SCML2: variants seen among roughly 807,000 people sequenced by gnomAD.
SCML2 encodes sex comb on midleg-like protein 2.
A neutral mutation model predicts 48.4 loss-of-function variants in SCML2; 6 were observed. The ratio of observed to expected loss-of-function variants is 0.12; its 90% confidence interval spans 0.07 to 0.24. SCML2 has a LOEUF of 0.24. Ranked by LOEUF, SCML2 falls within the 10% of genes least tolerant of loss-of-function variation. SCML2 has a pLI of 1.00. For synonymous variants in SCML2, 181 were observed against 189.5 expected, an observed-to-expected ratio of 0.95 and a Z score of 0.37; for missense variants, 377 against 528.2, an observed-to-expected ratio of 0.71 and a Z score of 2.81.
chrX:18,340,988 T>C (rs1355828999), intron 1 of SCML2, among the ~76,000 whole-genome samples: 1 of 111,339 alleles, frequency 9.0e-6, no homozygotes, highest in East Asian at 2.8e-4. Flanking sequence ...AATTTTTGTA[T>C]CTTATACTTT....
intron 7 of SCML2, among the ~76,000 whole-genome samples, chrX:18,286,531 C>T (rs764368592): frequency 9.0e-6 from 1 of 111,293 alleles, no homozygotes; most frequent in Non-Finnish European, 1.9e-5. Flanking sequence ...ACTGACTCAG[C>T]AGAACATAAT....
Position 18,323,730 on chromosome X carries a change from C to T in SCML2, c.397+129G>A, listed in dbSNP as rs189414063. The T allele has an allele frequency of 6.1e-4, 302 of 497,987 alleles. 1 individual carries two copies. The African/African-American group carries it at 6.3e-3, about 10-fold the overall frequency. The allele number at this position is 497,987 out of a possible 1,213,427, so 41.0% of individuals were successfully genotyped here. ...GATTTCCTCTCTCATCATACATTCT[C>T]CACAGCAACCACCTGACCATCTATT... On this transcript the variant is annotated intron_variant, in intron 5 of 14. Transcript: ENST00000251900.
rs1948643059 is a variant in SCML2, at chrX:18,330,796, T to A, written c.23-141A>T. The A allele has an allele frequency of 8.1e-6, 3 of 371,378 alleles. No individual in the cohort carries two copies. The South Asian group carries it at 2.1e-4, about 26-fold the overall frequency. 30.6% of individuals were successfully genotyped at this position (371,378 alleles called of 1,213,427 possible). A position where few individuals can be genotyped will look rare whatever the true frequency, so the allele number is the denominator to read the frequency against. Reference sequence around the variant, plus strand: ...ATTTTCTATGTAGGACTTACCATTTTCTAATGTACTATGCATTTTATAATC... The same window carrying A: ...ATTTTCTATGTAGGACTTACCATTTACTAATGTACTATGCATTTTATAATC... On this transcript the variant is annotated intron_variant, in intron 2 of 14. Transcript: ENST00000251900.
intron 1 of SCML2, among the ~76,000 whole-genome samples, chrX:18,338,941 AAAG>A (rs1185395896): frequency 1.9e-5 from 2 of 107,525 alleles, no homozygotes; most frequent in Non-Finnish European, 3.8e-5. Flanking sequence ...AAAAGAAAGA[AAAG>A]AAAATGAGGC....
chrX:18,255,958 T>A (rs1926825886), intron 11 of SCML2, among the ~76,000 whole-genome samples: 1 of 111,587 alleles, frequency 9.0e-6, no homozygotes, highest in African/African-American at 3.3e-5. Context: ...CTTTCATGAG[T>A]CACATGAAAA....
intron 3 of SCML2, among the ~76,000 whole-genome samples, chrX:18,326,913 C>T (rs1222254491): frequency 1.8e-5 from 2 of 111,182 alleles, no homozygotes; most frequent in Non-Finnish European, 3.8e-5. Flanking sequence ...AACTAGAAGT[C>T]ATAGTTGTGC....
At chrX:18,337,893 T>C (rs1040525589) in intron 1 of SCML2, among the ~76,000 whole-genome samples, 5 of 111,658 alleles carry the variant, frequency 4.5e-5, no homozygotes, top group African/African-American at 1.3e-4. Context: ...CTTAAAAGAA[T>C]AGAAACCATA....
At chrX:18,320,110 T>C (rs1434708045) in intron 6 of SCML2, among the ~76,000 whole-genome samples, 1 of 112,596 alleles carries the variant, frequency 8.9e-6, no homozygotes, top group Non-Finnish European at 1.9e-5. Flanking sequence ...GAGGGCACTT[T>C]GATCTTGGAC....
intron 11 of SCML2, among the ~76,000 whole-genome samples, chrX:18,255,648 A>G (rs1007363375): frequency 8.9e-6 from 1 of 112,365 alleles, no homozygotes; most frequent in Middle Eastern, 4.2e-3. Flanking sequence ...AATGGAAAAA[A>G]GGGGATGGAT....
intron 13 of SCML2, among the ~76,000 whole-genome samples, chrX:18,246,002 G>A (rs1215530309): frequency 3.6e-5 from 4 of 112,466 alleles, no homozygotes; most frequent in Non-Finnish European, 5.6e-5. Context: ...GCCTCCCAAA[G>A]TGCTAGGATT....
chrX:18,344,432 G>A (rs754606248), intron 1 of SCML2, among the ~76,000 whole-genome samples: 5 of 111,828 alleles, frequency 4.5e-5, no homozygotes, highest in East Asian at 5.6e-4. Context: ...CCAATACACC[G>A]TATGTGCTTT....
At chrX:18,242,375 A>C in intron 14 of SCML2, 64 bp downstream of exon 14, 1 of 1,067,117 alleles carries the variant, frequency 9.4e-7, no homozygotes, top group Non-Finnish European at 1.2e-6. Flanking sequence ...ATCCAAATGA[A>C]GGGCCTGCAC....
At chrX:18,312,312 G>C (rs1403471179) in intron 6 of SCML2, among the ~76,000 whole-genome samples, 1 of 110,948 alleles carries the variant, frequency 9.0e-6, no homozygotes, top group Non-Finnish European at 1.9e-5. Flanking sequence ...AGGATCCACT[G>C]AAGATACCAA....
rs1216193321 is a variant in SCML2, at chrX:18,239,547, T to C, written c.*1704A>G. ...TACATTTGGTTTTCTAAAAAGAAAATGTACATTCTTGCCCCTGGTGAATAT... is the reference window on the plus strand; with the variant it reads ...TACATTTGGTTTTCTAAAAAGAAAACGTACATTCTTGCCCCTGGTGAATAT... On this transcript the variant is annotated 3_prime_UTR_variant, in exon 15 of 15. Transcript: ENST00000251900. 2 of 112,528 alleles carry C rather than the reference T, an allele frequency of 1.8e-5. No homozygotes were observed. Among genetic ancestry groups the C allele is most frequent in the African/African-American group, 6.5e-5 (2 of 30,849 alleles). 9.3% of individuals were successfully genotyped at this position (112,528 alleles called of 1,213,427 possible).
Position 18,270,928 on chromosome X carries a change from T to C in SCML2, c.731-5126A>G, listed in dbSNP as rs765286353. 2.7e-5 allele frequency among the ~76,000 whole-genome samples: 3 copies of C among 112,207 alleles called. No homozygotes were observed. The South Asian group carries it at 1.1e-3, about 42-fold the overall frequency. ...TGCTACTCATCTTTAATAAAACTTTTATGTAAACAACCAACACAAAATTTA... is the reference window on the plus strand; with the variant it reads ...TGCTACTCATCTTTAATAAAACTTTCATGTAAACAACCAACACAAAATTTA... On this transcript the variant is annotated intron_variant, in intron 7 of 14. Coordinates refer to ENST00000251900, the MANE Select transcript of SCML2 (RefSeq NM_006089.3).
chrX:18,346,554 G>C (rs931539949), intron 1 of SCML2, among the ~76,000 whole-genome samples: 1 of 111,994 alleles, frequency 8.9e-6, no homozygotes, highest in African/African-American at 3.2e-5. Flanking sequence ...TGGAATAAGT[G>C]ACGGAAGTTA....
chrX:18,289,307 C>T (rs781529283), intron 7 of SCML2, among the ~76,000 whole-genome samples: 2 of 112,120 alleles, frequency 1.8e-5, no homozygotes, highest in Non-Finnish European at 3.8e-5. Context: ...TTCCAAGATG[C>T]TTCTTTGCAT....
rs1344611342 is a variant in SCML2, at chrX:18,325,083, A to C, written c.92-106T>G. ...ATGGGTTTTAGTTCCATGCCTCTTAAAAGAAAAAAAAAAAAAACTTCCAAA... is the reference window on the plus strand; with the variant it reads ...ATGGGTTTTAGTTCCATGCCTCTTACAAGAAAAAAAAAAAAAACTTCCAAA... On this transcript the variant is annotated intron_variant, in intron 3 of 14. Coordinates refer to ENST00000251900, the MANE Select transcript of SCML2 (RefSeq NM_006089.3). 1.8e-5 allele frequency: 7 copies of C among 395,847 alleles called. No homozygotes were observed. The Middle Eastern group carries it at 1.4e-3, about 78-fold the overall frequency. The allele number at this position is 395,847 out of a possible 1,213,427, so 32.6% of individuals were successfully genotyped here. A position where few individuals can be genotyped will look rare whatever the true frequency, so the allele number is the denominator to read the frequency against.
chrX:18,310,260 C>CTTTTT (rs773391164), intron 6 of SCML2, among the ~76,000 whole-genome samples: 117 of 62,344 alleles, frequency 1.9e-3, no homozygotes, highest in Middle Eastern at 0.019. Context: ...AACCACCTCC[C>CTTTTT]TTTTTTTTTT....
Sources: allele counts gnomAD v4.1 joint callset (sites outside exome capture counted in the v4.1 genomes callset), GRCh38; gene constraint gnomAD v4.1.1; transcripts MANE v1.5; gene names NCBI Gene and HGNC (gene_info 2026-07-23, HGNC 2026-07-21).